The following UFL1 variants were observed in gnomAD, a reference collection of about 807,000 sequenced individuals.
UFL1 encodes UFM1 specific ligase 1.
UFL1 carries 78 observed loss-of-function variants against 99.3 expected under a neutral mutation model. The observed-to-expected ratio is 0.79, with a 90% confidence interval of 0.65 to 0.95. UFL1 has a LOEUF of 0.95. UFL1 is among the 40% of genes least tolerant of loss of function. UFL1 has a pLI of 0.00. For missense variants in UFL1, 936 were observed against 937.0 expected, an observed-to-expected ratio of 1.00 and a Z score of 0.01; for synonymous variants, 335 against 322.2, an observed-to-expected ratio of 1.04 and a Z score of -0.42.
chr6:96,529,325 T>C (rs952478732), intron 6 of UFL1, among the ~76,000 whole-genome samples: 1 of 152,214 alleles, frequency 6.6e-6, no homozygotes, highest in Non-Finnish European at 1.5e-5. Flanking sequence ...CAAACCTCTC[T>C]GAACCCCTTT....
In UFL1 at chr6:96,542,915, G is replaced by C. The variant is rs1350230729; in HGVS notation, c.1301G>C (p.Gly434Ala). 6 of 1,596,164 alleles carry C rather than the reference G, an allele frequency of 3.8e-6. No homozygotes were observed. The highest frequency in any genetic ancestry group is 5.1e-6 in the Non-Finnish European group (6 of 1,171,456). ...CCAGAGGGCAGTGGAAGCATGAGAGGAGGAGGTGGGGGCAATGCCAGAGAG... is the reference window on the plus strand; with the variant it reads ...CCAGAGGGCAGTGGAAGCATGAGAGCAGGAGGTGGGGGCAATGCCAGAGAG... ...KATEGSGSMR[G>A]GGGGNAREYK... The change falls in exon 12 of 19, where the codon GGA becomes GCA. Residue 434 changes from glycine (G) to alanine (A), a missense_variant. Gly to Ala is a moderately conservative substitution (Grantham distance 60). Transcript: ENST00000369278.
chr6:96,526,596 C>T (rs977211120), intron 5 of UFL1, among the ~76,000 whole-genome samples, 161 bp downstream of exon 5: 1 of 152,084 alleles, frequency 6.6e-6, no homozygotes, highest in Non-Finnish European at 1.5e-5. Context: ...TTGGGGGGTA[C>T]TTCTAGTACA....
In UFL1 at chr6:96,526,433, C is replaced by A. The variant is rs768608472; in HGVS notation, c.463C>A (p.Gln155Lys). Residue 155 changes from glutamine to lysine, a missense_variant and splice_region_variant, in exon 5 of 19, where the codon CAG becomes AAG. By Grantham distance (53) the Gln-to-Lys change is moderately conservative. Transcript: ENST00000369278. The stretch of plus-strand genomic sequence containing the variant: ...TGATCTTCCTGGGAACTTTCTGACA[C>A]AGGTATTTTTTTTCCTAATAATACA... ...TYDLPGNFLT[Q>K]ALTQRLGRII... The A allele has an allele frequency of 5.0e-6, 8 of 1,608,800 alleles. No individual in the cohort carries two copies. In the South Asian group the frequency reaches 8.9e-5, roughly 18 times the overall value.
Position 96,549,542 on chromosome 6 carries a change from A to G in UFL1, c.1651A>G (p.Ile551Val), listed in dbSNP as rs1001491230. Reference protein sequence around the residue: ...QEEVSNLYNNIRLFEKGMKFF... With the variant: ...QEEVSNLYNNVRLFEKGMKFF... ...AGAAGTTTCAAACCTGTACAATAAC[A>G]TTAGGTTATTTGAAAAAGGGATGAA... is the stretch of plus-strand genomic sequence containing the variant. The change falls in exon 14 of 19, where the codon ATT (isoleucine) becomes GTT (valine). Residue 551 changes from isoleucine (I) to valine (V), a missense_variant. By Grantham distance (29) the Ile-to-Val change is conservative (BLOSUM62 3). Transcript: ENST00000369278. 3.8e-6 allele frequency: 6 copies of G among 1,596,954 alleles called. No individual in the cohort carries two copies. The highest frequency in any genetic ancestry group is 2.3e-5 in the South Asian group (2 of 87,356).
At chr6:96,523,974 G>T (rs980629221) in intron 2 of UFL1, among the ~76,000 whole-genome samples, 2 of 151,672 alleles carry the variant, frequency 1.3e-5, no homozygotes, top group African/African-American at 4.8e-5. Context: ...TTACTTAACA[G>T]ATTTTCTTAT....
At chr6:96,541,142 C>T (rs1769925661) in intron 11 of UFL1, among the ~76,000 whole-genome samples, 1 of 151,400 alleles carries the variant, frequency 6.6e-6, no homozygotes, top group African/African-American at 2.4e-5. Context: ...TAGCCACAGT[C>T]ACTCTCTGCC....
At chr6:96,546,844 G>A (rs1770008028) in intron 12 of UFL1, among the ~76,000 whole-genome samples, 1 of 151,340 alleles carries the variant, frequency 6.6e-6, no homozygotes, top group South Asian at 2.1e-4. Flanking sequence ...ATCAACTTTA[G>A]GTGGAGTAAA....
chr6:96,553,269 C>CT lies in UFL1; in HGVS notation c.2167-13dup, dbSNP rs776318082. 18 of 1,605,122 alleles carry CT rather than the reference C, an allele frequency of 1.1e-5. 1 individual carries two copies. The Middle Eastern group carries it at 5.0e-4, about 44-fold the overall frequency. ...AGATAAATTGTGTTGATTAACTTTT[C>CT]TTTCCCTTTTCACAGGATCAGCATG... On this transcript the variant is annotated splice_polypyrimidine_tract_variant and intron_variant, in intron 18 of 18. Coordinates refer to ENST00000369278, the MANE Select transcript of UFL1 (RefSeq NM_015323.5).
At chr6:96,534,143 G>T (rs888341871) in intron 6 of UFL1, 120 bp from the exon 7 acceptor site, 26 of 591,504 alleles carry the variant, frequency 4.4e-5, no homozygotes, top group African/African-American at 4.3e-4. Context: ...TGTAATTTTT[G>T]ACTTTATTTT....
At chr6:96,528,701 G>T (rs185010080) in intron 6 of UFL1, 69 bp downstream of exon 6, 15 of 1,475,046 alleles carry the variant, frequency 1.0e-5, no homozygotes, top group Middle Eastern at 1.8e-4. Context: ...TTTCCTAGCA[G>T]CGGAATCTTT....
In UFL1 at chr6:96,523,146, G is replaced by A. The variant is rs767937885; in HGVS notation, c.78G>A (p.Arg26=). 3.8e-6 allele frequency: 6 copies of A among 1,598,224 alleles called. No individual in the cohort carries two copies. In the Admixed American group the frequency reaches 1.1e-4, roughly 28 times the overall value. ...QRAQFAEATQ[R]LSERNCIEIV... is the part of the protein sequence containing the mutation. ...AAACAACTTTTTTTCTTTCCCTCAG[G>A]TTGTCCGAGCGGAACTGCATTGAGA... Residue 26 remains arginine (R), a splice_region_variant and synonymous_variant, in exon 2 of 19, where the codon AGG becomes AGA. Coordinates refer to ENST00000369278, the MANE Select transcript of UFL1 (RefSeq NM_015323.5).
At chr6:96,525,145 C>G in intron 3 of UFL1, 152 bp from the exon 4 acceptor site, 1 of 552,758 alleles carries the variant, frequency 1.8e-6, no homozygotes, top group Non-Finnish European at 3.2e-6. Flanking sequence ...TGAAGGGATC[C>G]TCCCGCCTCA....
chr6:96,533,331 G>A (rs1307168596), intron 6 of UFL1, among the ~76,000 whole-genome samples: 1 of 151,916 alleles, frequency 6.6e-6, no homozygotes, highest in Non-Finnish European at 1.5e-5. Context: ...ATCCACAGTA[G>A]CCACAAACTA....
At chr6:96,522,070 C>T (rs936076801) in intron 1 of UFL1, 120 bp downstream of exon 1, 2 of 1,125,394 alleles carry the variant, frequency 1.8e-6, no homozygotes, top group Non-Finnish European at 2.5e-6. Context: ...TGTCACCATT[C>T]TCTCCTCCTC....
At position 96,553,393 on chromosome 6, in the gene UFL1, AAAG is replaced by A; in HGVS notation, c.2278_2280del (p.Glu760del). On this transcript the variant is annotated inframe_deletion, in exon 19 of 19. Transcript: ENST00000369278. ...TTATCCCTTGAATAATGAATTAGACAAAGAACAAGAAGATGTTGCCAGTACTAC... is the reference window on the plus strand; with the variant it reads ...TTATCCCTTGAATAATGAATTAGACAAACAAGAAGATGTTGCCAGTACTAC... The A allele has an allele frequency of 6.2e-7, 1 of 1,613,864 alleles. No homozygotes were observed. Among genetic ancestry groups the A allele is most frequent in the Non-Finnish European group, 8.5e-7 (1 of 1,179,854 alleles).
chr6:96,531,287 C>T (rs537581400), intron 6 of UFL1, among the ~76,000 whole-genome samples: 111 of 152,268 alleles, frequency 7.3e-4, no homozygotes, highest in Middle Eastern at 3.4e-3. Context: ...ATTTCTGTAT[C>T]TTTATGTGTA....
chr6:96,538,881 A>T, intron 10 of UFL1, 71 bp downstream of exon 10: 1 of 1,338,492 alleles, frequency 7.5e-7, no homozygotes, highest in South Asian at 1.7e-5. Flanking sequence ...ATGTCTTTTG[A>T]AAAAGGGGAT....
At chr6:96,541,415 CAT>C (rs1415662252) in intron 11 of UFL1, among the ~76,000 whole-genome samples, 1 of 151,420 alleles carries the variant, frequency 6.6e-6, no homozygotes, top group Non-Finnish European at 1.5e-5. Flanking sequence ...GGAAAAGTAA[CAT>C]GTATTTCCAT....
chr6:96,526,423 C>G lies in UFL1; in HGVS notation c.453C>G (p.Asn151Lys), dbSNP rs760826756. 2 of 1,609,954 alleles carry G rather than the reference C, an allele frequency of 1.2e-6. No homozygotes were observed. The highest frequency in any genetic ancestry group is 3.4e-5 in the Admixed American group (2 of 59,050). ...ELCKTYDLPG[N>K]FLTQALTQRL... The stretch of plus-strand genomic sequence containing the variant: ...GTAAAACTTATGATCTTCCTGGGAA[C>G]TTTCTGACACAGGTATTTTTTTTCC... The change falls in exon 5 of 19, where the codon AAC becomes AAG. Residue 151 changes from asparagine to lysine, a missense_variant. Asn to Lys is a moderately conservative substitution (Grantham distance 94). Coordinates refer to ENST00000369278, the MANE Select transcript of UFL1 (RefSeq NM_015323.5).
Sources: gnomAD v4.1 joint callset for allele counts (sites outside exome capture counted in the v4.1 genomes callset) on GRCh38, gnomAD v4.1.1 for gene constraint, MANE v1.5 for transcripts, NCBI Gene and HGNC (gene_info 2026-07-23, HGNC 2026-07-21) for gene names.